The following TNR variants were observed in gnomAD, a reference collection of about 807,000 sequenced individuals.
TNR encodes the protein tenascin R.
A neutral mutation model predicts 150.4 loss-of-function variants in TNR; 45 were observed. That is an observed-to-expected ratio of 0.30 (90% CI 0.24 to 0.38). TNR has a LOEUF of 0.38. Among genes scored for constraint, TNR ranks in the 10% least tolerant of loss-of-function variants. The pLI, the probability that TNR is intolerant of heterozygous loss-of-function variation, is 1.00. For missense variants in TNR, 1,544 were observed against 1,759.1 expected (o/e 0.88, Z 2.19); for synonymous variants, 687 against 678.4 (o/e 1.01, Z -0.20).
intron 19 of TNR, 128 bp downstream of exon 19, chr1:175,337,400 A>G (rs2269587): frequency 0.5 from 547,706 of 1,104,966 alleles, 140,798 homozygotes; most frequent in East Asian, 0.68. Context: ...AGGAGCCCCA[A>G]GATGGACATG....
At chr1:175,333,264 GATTTA>G (rs1230002972) in intron 20 of TNR, 2 of 152,158 alleles carry the variant, frequency 1.3e-5, no homozygotes, top group Non-Finnish European at 2.9e-5. Context: ...TTTAAAAATA[GATTTA>G]ATTAAAGAGT....
intron 20 of TNR, among the ~76,000 whole-genome samples, chr1:175,330,777 A>G (rs1162688908): frequency 6.6e-6 from 1 of 152,174 alleles, no homozygotes; most frequent in Non-Finnish European, 1.5e-5. Flanking sequence ...TAGCCAGGTC[A>G]TAGAATATTA....
chr1:175,402,035 C>T (rs1466128090), intron 4 of TNR, among the ~76,000 whole-genome samples: 2 of 152,078 alleles, frequency 1.3e-5, no homozygotes, highest in East Asian at 1.9e-4. Flanking sequence ...AGGCCGGGCG[C>T]GGTGGCTCAC....
At chr1:175,433,682 C>T (rs1016754957) in intron 2 of TNR, among the ~76,000 whole-genome samples, 1 of 152,194 alleles carries the variant, frequency 6.6e-6, no homozygotes, top group Non-Finnish European at 1.5e-5. Flanking sequence ...ACTTTGCTGG[C>T]TGTGTTGTAT....
In TNR at chr1:175,706,868, C is replaced by T. The variant is rs372995031; in HGVS notation, c.-165+36358G>A. Among the ~76,000 whole-genome samples the T allele has an allele frequency of 9.2e-5, 14 of 152,232 alleles. No homozygotes were observed. The East Asian group carries it at 1.7e-3, about 19-fold the overall frequency. ...ACTGGTCTGTTTTGAAAGGTGAATC[C>T]GCAAGAAGTTGTAGCTTTCTGTCCT... On this transcript the variant is annotated intron_variant, in intron 1 of 22. Transcript: ENST00000367674.
chr1:175,529,025 C>T lies in TNR; in HGVS notation c.-164-656G>A, dbSNP rs117293328. Among the ~76,000 whole-genome samples the T allele has an allele frequency of 9.7e-4, 147 of 152,322 alleles. 1 individual carries two copies. In the East Asian group the frequency reaches 0.022, roughly 23 times the overall value. ...CAACCTCCAACAGAAGCAGTGGCATCGATTGTTAAGTGAGAGCCTTCTGAG... is the reference window on the plus strand; with the variant it reads ...CAACCTCCAACAGAAGCAGTGGCATTGATTGTTAAGTGAGAGCCTTCTGAG... On this transcript the variant is annotated intron_variant, in intron 1 of 22. Coordinates refer to ENST00000367674, the MANE Select transcript of TNR (RefSeq NM_003285.3).
At chr1:175,515,517 C>T (rs1659368026) in intron 2 of TNR, among the ~76,000 whole-genome samples, 1 of 152,214 alleles carries the variant, frequency 6.6e-6, no homozygotes, top group Admixed American at 6.5e-5. Context: ...CAAGGAACAA[C>T]ATGGCACTAT....
chr1:175,382,714 A>C (rs1652738249), intron 8 of TNR, among the ~76,000 whole-genome samples: 1 of 152,154 alleles, frequency 6.6e-6, no homozygotes, highest in Admixed American at 6.5e-5. Context: ...ATCCTGGCTA[A>C]CATGGTGAAA....
intron 1 of TNR, among the ~76,000 whole-genome samples, chr1:175,593,104 G>T (rs1369180969): frequency 6.6e-6 from 1 of 152,204 alleles, no homozygotes; most frequent in Non-Finnish European, 1.5e-5. Context: ...AGAATCAATA[G>T]TGGCAGAATT....
intron 11 of TNR, among the ~76,000 whole-genome samples, 197 bp from the exon 12 acceptor site, chr1:175,365,476 A>T (rs982780784): frequency 6.6e-6 from 1 of 152,322 alleles, no homozygotes; most frequent in African/African-American, 2.4e-5. Context: ...AGGAAAATGG[A>T]TTCTGTTAAA....
intron 1 of TNR, among the ~76,000 whole-genome samples, chr1:175,623,222 C>A (rs1558041956): frequency 6.6e-6 from 1 of 152,124 alleles, no homozygotes; most frequent in Non-Finnish European, 1.5e-5. Flanking sequence ...ACATCATCTG[C>A]CAAATTCACC....
At chr1:175,432,808 G>T (rs1183821800) in intron 2 of TNR, among the ~76,000 whole-genome samples, 1 of 152,032 alleles carries the variant, frequency 6.6e-6, no homozygotes, top group Admixed American at 6.6e-5. Context: ...TTCTCTTTTG[G>T]TGGCAAACAC....
At chr1:175,574,029 T>C (rs962379731) in intron 1 of TNR, among the ~76,000 whole-genome samples, 1 of 152,182 alleles carries the variant, frequency 6.6e-6, no homozygotes, top group Non-Finnish European at 1.5e-5. Context: ...CAGATCCCAG[T>C]TGTTTTTTAT....
chr1:175,587,978 T>TG (rs1350189813), intron 1 of TNR, among the ~76,000 whole-genome samples: 1 of 152,170 alleles, frequency 6.6e-6, no homozygotes, highest in African/African-American at 2.4e-5. Flanking sequence ...TGGGGGTCAT[T>TG]GGCTTGACTG....
chr1:175,730,372 G>C (rs112047076), intron 1 of TNR, among the ~76,000 whole-genome samples: 808 of 152,254 alleles, frequency 5.3e-3, no homozygotes, highest in Non-Finnish European at 8.6e-3. Context: ...ACCTGACACA[G>C]CTGGTTCCTA....
chr1:175,405,114 A>G (rs1440379818), intron 3 of TNR, among the ~76,000 whole-genome samples: 2 of 152,194 alleles, frequency 1.3e-5, no homozygotes, highest in African/African-American at 2.4e-5. Flanking sequence ...GCTTGAACTC[A>G]AGACAAATGC....
chr1:175,550,597 T>C (rs930076072), intron 1 of TNR, among the ~76,000 whole-genome samples: 1 of 151,662 alleles, frequency 6.6e-6, no homozygotes, highest in African/African-American at 2.4e-5. Context: ...CCTACCCTAC[T>C]TCCACTCCAT....
intron 1 of TNR, among the ~76,000 whole-genome samples, chr1:175,589,054 T>G (rs943130056): frequency 3.9e-5 from 6 of 152,172 alleles, no homozygotes; most frequent in African/African-American, 1.4e-4. Flanking sequence ...TTTGCTCTAA[T>G]AGTTAGTCTC....
chr1:175,667,751 G>T (rs1665573446), intron 1 of TNR, among the ~76,000 whole-genome samples: 1 of 152,200 alleles, frequency 6.6e-6, no homozygotes, highest in Admixed American at 6.5e-5. Flanking sequence ...TTACCTGATT[G>T]TTCATGCACC....
Sources: allele counts gnomAD v4.1 joint callset (sites outside exome capture counted in the v4.1 genomes callset), GRCh38; gene constraint gnomAD v4.1.1; transcripts MANE v1.5; gene names NCBI Gene and HGNC (gene_info 2026-07-23, HGNC 2026-07-21).